UBP1: variants seen among roughly 807,000 people sequenced by gnomAD.
UBP1 encodes upstream binding protein 1, also known as upstream-binding protein 1.
A neutral mutation model predicts 76.1 loss-of-function variants in UBP1; 22 were observed. That is an observed-to-expected ratio of 0.29 (90% CI 0.21 to 0.41). UBP1 has a LOEUF of 0.41. Ranked by LOEUF, UBP1 falls within the 10% of genes least tolerant of loss-of-function variation. The pLI is 1.00. For missense variants in UBP1, 436 were observed against 668.1 expected, an observed-to-expected ratio of 0.65 and a Z score of 3.83; for synonymous variants, 224 against 237.1, an observed-to-expected ratio of 0.94 and a Z score of 0.51.
At chr3:33,412,850 G>A (rs2272152) in intron 3 of UBP1, 23 bp from the exon 4 acceptor site, 307,406 of 1,536,218 alleles carry the variant, frequency 0.2, 36,235 homozygotes, top group East Asian at 0.45. Context: ...TGCGGAAAAT[G>A]AGTACTTTTA....
chr3:33,417,162 A>G (rs1227078130), intron 2 of UBP1, among the ~76,000 whole-genome samples: 1 of 152,064 alleles, frequency 6.6e-6, no homozygotes, highest in Non-Finnish European at 1.5e-5. Flanking sequence ...TAAAATTCAC[A>G]TTTTTAAAAA....
intron 1 of UBP1, among the ~76,000 whole-genome samples, chr3:33,426,559 AT>A (rs2045021591): frequency 6.6e-6 from 1 of 152,148 alleles, no homozygotes; most frequent in South Asian, 2.1e-4. Context: ...TCAAAAAGAA[AT>A]CCCATACCCA....
intron 1 of UBP1, among the ~76,000 whole-genome samples, chr3:33,429,704 T>A (rs1403731560): frequency 6.6e-6 from 1 of 152,120 alleles, no homozygotes; most frequent in Non-Finnish European, 1.5e-5. Context: ...GCACCAAAAA[T>A]CAGGATGCTA....
At chr3:33,413,465 T>A (rs1019496655) in intron 3 of UBP1, among the ~76,000 whole-genome samples, 2 of 144,932 alleles carry the variant, frequency 1.4e-5, no homozygotes, top group Non-Finnish European at 3.0e-5. Flanking sequence ...AAGAATGGTG[T>A]GAACCCGGGA....
chr3:33,408,605 C>T (rs996129118), intron 8 of UBP1, 85 bp downstream of exon 8: 8 of 1,130,526 alleles, frequency 7.1e-6, no homozygotes, highest in Non-Finnish European at 8.6e-6. Flanking sequence ...ACAATTTTGG[C>T]TTTACTTTGC....
At chr3:33,412,546 G>A (rs1339376900) in intron 4 of UBP1, among the ~76,000 whole-genome samples, 176 bp downstream of exon 4, 1 of 148,654 alleles carries the variant, frequency 6.7e-6, no homozygotes, top group African/African-American at 2.5e-5. Flanking sequence ...CTGTGCCACT[G>A]CACTTATCCT....
rs73051557 is a variant in UBP1 at position 33,424,340 on chromosome 3, G to A, written c.265+1250C>T. 4.2e-3 allele frequency among the ~76,000 whole-genome samples: 635 copies of A among 152,300 alleles called. 1 individual carries two copies. The highest frequency in any genetic ancestry group is 0.01 in the Middle Eastern group (3 of 294). The stretch of plus-strand genomic sequence containing the variant: ...AACTTATATATCAAATGAAAAGGTA[G>A]AAATAAGTTATTCTTCCACATTTCA... On this transcript the variant is annotated intron_variant, in intron 2 of 15. Coordinates refer to ENST00000283629, the MANE Select transcript of UBP1 (RefSeq NM_014517.5).
At position 33,439,866 on chromosome 3, in the gene UBP1, G is replaced by T. The variant is rs763091924; in HGVS notation, c.-18C>A. 3 of 1,609,806 alleles carry T rather than the reference G, an allele frequency of 1.9e-6. No homozygotes were observed. The Admixed American group carries it at 5.0e-5, about 27-fold the overall frequency. On this transcript the variant is annotated 5_prime_UTR_variant, in exon 1 of 16. Transcript: ENST00000283629. ...CAGGCCATCTTCCGGCCTCGCCGTC[G>T]CCCCGCACACCGCGGCCTCCGCGTC...
At chr3:33,427,790 A>C (rs543961277) in intron 1 of UBP1, among the ~76,000 whole-genome samples, 1 of 152,364 alleles carries the variant, frequency 6.6e-6, no homozygotes, top group East Asian at 1.9e-4. Flanking sequence ...ACCAAGGATC[A>C]CACGGTTAGC....
intron 2 of UBP1, among the ~76,000 whole-genome samples, chr3:33,417,968 T>C (rs924053044): frequency 6.6e-6 from 1 of 152,128 alleles, no homozygotes; most frequent in Admixed American, 6.5e-5. Context: ...AAAGAAAAGT[T>C]GCTTACATTC....
chr3:33,409,435 G>A lies in UBP1; in HGVS notation c.708+14C>T, dbSNP rs534554156. 18 of 1,614,044 alleles carry A rather than the reference G, an allele frequency of 1.1e-5. No homozygotes were observed. In the South Asian group the frequency reaches 2.0e-4, roughly 18 times the overall value. Reference sequence around the variant, plus strand: ...TGAGCCTTAATTACAGAAAACCCGGGTTCTCTGTCTTACCTTAAAAACTTT... The same window carrying A: ...TGAGCCTTAATTACAGAAAACCCGGATTCTCTGTCTTACCTTAAAAACTTT... On this transcript the variant is annotated intron_variant, in intron 6 of 15. Coordinates refer to ENST00000283629, the MANE Select transcript of UBP1 (RefSeq NM_014517.5).
At position 33,390,319 on chromosome 3, in the gene UBP1, CTA is replaced by C; in HGVS notation, c.*10_*11del. On this transcript the variant is annotated 3_prime_UTR_variant, in exon 16 of 16. Transcript: ENST00000283629. ...TATTTGGTACTGAATACAGTTCAGTCTATATAAGACATCACTTCAAAATTATG... is the reference window on the plus strand; with the variant it reads ...TATTTGGTACTGAATACAGTTCAGTCTATAAGACATCACTTCAAAATTATG... 1 of 1,613,482 alleles carries C rather than the reference CTA, an allele frequency of 6.2e-7. No individual in the cohort carries two copies. The highest frequency in any genetic ancestry group is 8.5e-7 in the Non-Finnish European group (1 of 1,179,428).
intron 1 of UBP1, among the ~76,000 whole-genome samples, chr3:33,434,038 A>G (rs1298410270): frequency 6.6e-6 from 1 of 152,220 alleles, no homozygotes; most frequent in Non-Finnish European, 1.5e-5. Context: ...GTACTGGCAA[A>G]CCAACAAATG....
intron 8 of UBP1, 193 bp from the exon 9 acceptor site, chr3:33,403,097 T>C: frequency 1.9e-6 from 1 of 538,118 alleles, no homozygotes; most frequent in Non-Finnish European, 3.3e-6. Context: ...TGTGTGCGTC[T>C]AGACACTGAT....
At chr3:33,395,758 A>AAAG (rs1396169602) in intron 13 of UBP1, among the ~76,000 whole-genome samples, 9 of 116,592 alleles carry the variant, frequency 7.7e-5, no homozygotes, top group African/African-American at 2.6e-4. Flanking sequence ...TTGAAAAAAA[A>AAAG]AAAAAAAAAA....
intron 10 of UBP1, among the ~76,000 whole-genome samples, chr3:33,400,573 C>T (rs1411846162): frequency 1.3e-5 from 2 of 152,030 alleles, no homozygotes; most frequent in African/African-American, 4.8e-5. Context: ...ATAAGCCAGG[C>T]ACAGAAAGAC....
In UBP1 at chr3:33,392,704, C is replaced by A. The variant is rs904344663; in HGVS notation, c.1534-90G>T. The A allele has an allele frequency of 2.3e-5, 29 of 1,274,410 alleles. No homozygotes were observed. The African/African-American group carries it at 4.3e-4, about 19-fold the overall frequency. 78.9% of individuals were successfully genotyped at this position (1,274,410 alleles called of 1,614,324 possible). ...TAAAACAGTAAATATTCTTCTCAAA[C>A]AAACACAGGACTCAATGGCCAAAAC... On this transcript the variant is annotated intron_variant, in intron 14 of 15. Transcript: ENST00000283629.
At chr3:33,398,186 T>G (rs1417976403) in intron 11 of UBP1, 1 of 152,246 alleles carries the variant, frequency 6.6e-6, no homozygotes, top group South Asian at 2.1e-4. Flanking sequence ...AAGATGAACT[T>G]TGGGATGAAG....
At chr3:33,413,502 G>A (rs1376061357) in intron 3 of UBP1, among the ~76,000 whole-genome samples, 3 of 138,150 alleles carry the variant, frequency 2.2e-5, no homozygotes, top group East Asian at 2.1e-4. Flanking sequence ...AGCCAAGTTC[G>A]CACCACTGCA....
Sources: gnomAD v4.1 joint callset for allele counts (sites outside exome capture counted in the v4.1 genomes callset) on GRCh38, gnomAD v4.1.1 for gene constraint, MANE v1.5 for transcripts, NCBI Gene and HGNC (gene_info 2026-07-23, HGNC 2026-07-21) for gene names.